PPIG: variants seen among roughly 807,000 people sequenced by gnomAD.
PPIG encodes peptidylprolyl isomerase G, also known as peptidyl-prolyl cis-trans isomerase G.
A neutral mutation model predicts 87.9 loss-of-function variants in PPIG; 26 were observed. The observed-to-expected ratio is 0.30, with a 90% CI of 0.22 to 0.41. The LOEUF is 0.41. Ranked by LOEUF, PPIG falls within the 10% of genes least tolerant of loss-of-function variation. The probability of loss-of-function intolerance (pLI) is 1.00; values close to 1 mark genes in which losing one functional copy is unlikely to be tolerated. For missense variants in PPIG, 722 were observed against 879.4 expected (o/e 0.82, Z 2.26); for synonymous variants, 308 against 276.5 (o/e 1.11, Z -1.13).
chr2:169,590,414 G>A (rs949017995), intron 1 of PPIG, among the ~76,000 whole-genome samples: 20 of 152,176 alleles, frequency 1.3e-4, no homozygotes, highest in Non-Finnish European at 2.9e-4. Context: ...GCCGAGGCAG[G>A]CGGATCACCA....
At chr2:169,632,626 A>G (rs945454755) in intron 11 of PPIG, among the ~76,000 whole-genome samples, 1 of 151,972 alleles carries the variant, frequency 6.6e-6, no homozygotes, top group Non-Finnish European at 1.5e-5. Context: ...CTGTAGTCCC[A>G]GCTACTCAGG....
intron 1 of PPIG, among the ~76,000 whole-genome samples, chr2:169,592,248 A>AT (rs1684884877): frequency 6.7e-6 from 1 of 150,284 alleles, no homozygotes; most frequent in Non-Finnish European, 1.5e-5. Flanking sequence ...TTGAAAAAAA[A>AT]TGAAAAATTG....
At chr2:169,634,623 G>T (rs1420680449) in intron 12 of PPIG, among the ~76,000 whole-genome samples, 1 of 152,150 alleles carries the variant, frequency 6.6e-6, no homozygotes, top group Non-Finnish European at 1.5e-5. Flanking sequence ...CACCTGTGCA[G>T]TTCCTTCCCA....
intron 1 of PPIG, among the ~76,000 whole-genome samples, chr2:169,594,323 G>GGA (rs1553543610): frequency 7.2e-5 from 3 of 41,824 alleles, no homozygotes; most frequent in Non-Finnish European, 1.7e-4. Flanking sequence ...CTGTTGATAG[G>GGA]CAAAAAAAAA....
chr2:169,622,214 A>T (rs1319634968), intron 9 of PPIG, among the ~76,000 whole-genome samples: 1 of 152,214 alleles, frequency 6.6e-6, no homozygotes, highest in Non-Finnish European at 1.5e-5. Flanking sequence ...TGAGGTCAGG[A>T]GGTCGAGACC....
intron 9 of PPIG, among the ~76,000 whole-genome samples, chr2:169,623,297 A>C (rs1243728203): frequency 6.6e-6 from 1 of 152,236 alleles, no homozygotes; most frequent in African/African-American, 2.4e-5. Context: ...ACCTCAGATC[A>C]TGCTGTTCAA....
At chr2:169,600,420 C>T (rs1031721741) in intron 1 of PPIG, among the ~76,000 whole-genome samples, 4 of 152,218 alleles carry the variant, frequency 2.6e-5, no homozygotes, top group Non-Finnish European at 5.9e-5. Context: ...TTGAGTACCT[C>T]TTACCCAAAA....
intron 4 of PPIG, 137 bp downstream of exon 4, chr2:169,604,398 T>C: frequency 1.4e-6 from 1 of 715,398 alleles, no homozygotes; most frequent in Non-Finnish European, 2.2e-6. Context: ...CTAGAACTCC[T>C]GGGCTCATCA....
rs549351292 is a variant in PPIG, at chr2:169,639,178, G to A, written c.*1655G>A. The A allele has an allele frequency of 2.6e-5, 4 of 151,612 alleles. No homozygotes were observed. Among genetic ancestry groups the A allele is most frequent in the Admixed American group, 6.6e-5 (1 of 15,204 alleles). The allele number at this position is 151,612 out of a possible 1,614,324, so 9.4% of individuals were successfully genotyped here. On this transcript the variant is annotated 3_prime_UTR_variant, in exon 14 of 14. Transcript: ENST00000260970. ...AATTCTTTCCAAAATTTTTTTTTCC[G>A]ATGATAAAAGTAGTAGATGTTTATT...
chr2:169,620,561 CTG>C (rs779554980), intron 9 of PPIG, among the ~76,000 whole-genome samples: 1 of 152,134 alleles, frequency 6.6e-6, no homozygotes, highest in East Asian at 1.9e-4. Flanking sequence ...GGAAGAGACT[CTG>C]GGGCTAGATG....
chr2:169,612,721 T>C (rs1421419103), intron 7 of PPIG, among the ~76,000 whole-genome samples: 1 of 152,196 alleles, frequency 6.6e-6, no homozygotes, highest in Non-Finnish European at 1.5e-5. Context: ...TTCCACTATA[T>C]GTATATACCA....
Position 169,630,966 on chromosome 2 carries a change from A to G in PPIG, c.740A>G (p.Lys247Arg). Residue 247 changes from lysine to arginine, a missense_variant, in exon 10 of 14, where the codon AAG becomes AGG. Coordinates refer to ENST00000260970, the MANE Select transcript of PPIG (RefSeq NM_004792.3). ...CGAAAACACAAGAAAGAAAAGAAAA[A>G]GCGAAAGAAAAGCAAGAAGAGGTCT... ...NSRKHKKEKK[K>R]RKKSKKSASS... 1 of 1,594,500 alleles carries G rather than the reference A, an allele frequency of 6.3e-7. No individual in the cohort carries two copies. The highest frequency in any genetic ancestry group is 8.5e-7 in the Non-Finnish European group (1 of 1,175,286).
intron 1 of PPIG, among the ~76,000 whole-genome samples, chr2:169,598,543 G>A (rs1016917382): frequency 3.3e-5 from 5 of 151,938 alleles, no homozygotes; most frequent in East Asian, 1.9e-4. Flanking sequence ...CACCCAAAGC[G>A]GCCTCCCAAA....
At chr2:169,614,403 G>T in intron 7 of PPIG, 61 bp from the exon 8 acceptor site, 1 of 1,390,602 alleles carries the variant, frequency 7.2e-7, no homozygotes, top group African/African-American at 1.5e-5. Context: ...TCTTTTTAGA[G>T]ATGCTAACTT....
chr2:169,604,003 C>G, intron 2 of PPIG, 23 bp from the exon 3 acceptor site: 1 of 1,584,890 alleles, frequency 6.3e-7, no homozygotes, highest in South Asian at 1.1e-5. Context: ...GTCTGCTTGT[C>G]TGAAACTGTA....
intron 1 of PPIG, among the ~76,000 whole-genome samples, chr2:169,599,892 T>G (rs1185631841): frequency 6.6e-6 from 1 of 152,184 alleles, no homozygotes; most frequent in African/African-American, 2.4e-5. Context: ...ATTTTTTTCT[T>G]TTTAATTTCA....
Position 169,637,838 on chromosome 2 carries a change from A to C in PPIG, c.*315A>C, listed in dbSNP as rs1686224362. 1 of 183,802 alleles carries C rather than the reference A, an allele frequency of 5.4e-6. No individual in the cohort carries two copies. Among genetic ancestry groups the C allele is most frequent in the Admixed American group, 6.0e-5 (1 of 16,544 alleles). 11.4% of individuals were successfully genotyped at this position (183,802 alleles called of 1,614,324 possible). On this transcript the variant is annotated 3_prime_UTR_variant, in exon 14 of 14. Coordinates refer to ENST00000260970, the MANE Select transcript of PPIG (RefSeq NM_004792.3). ...CAATAGCATCCTAATTTGTTTAGTC[A>C]GCCATTTGGAATGGTTGCAATGCAT...
chr2:169,636,501 A>C lies in PPIG; in HGVS notation c.1243A>C (p.Ser415Arg). Reference protein sequence around the residue: ...KITDHRNVSESPNRKNEKEKK... With the variant: ...KITDHRNVSERPNRKNEKEKK... ...AACAGATCACAGGAATGTATCTGAG[A>C]GTCCAAACAGAAAAAATGAAAAGGA... The change falls in exon 14 of 14, where the codon AGT (serine) becomes CGT (arginine). Residue 415 changes from serine to arginine, a missense_variant. Transcript: ENST00000260970. 1.2e-6 allele frequency: 2 copies of C among 1,608,270 alleles called. No homozygotes were observed. Among genetic ancestry groups the C allele is most frequent in the Non-Finnish European group, 1.7e-6 (2 of 1,178,138 alleles).
At chr2:169,598,124 C>T (rs1685073521) in intron 1 of PPIG, among the ~76,000 whole-genome samples, 1 of 151,944 alleles carries the variant, frequency 6.6e-6, no homozygotes, top group African/African-American at 2.4e-5. Context: ...CCTCAGCCTC[C>T]CAGGTAGCTG....
Sources: allele counts gnomAD v4.1 joint callset (sites outside exome capture counted in the v4.1 genomes callset), GRCh38; gene constraint gnomAD v4.1.1; transcripts MANE v1.5; gene names NCBI Gene and HGNC (gene_info 2026-07-23, HGNC 2026-07-21).